CUL1: variants seen among roughly 807,000 people sequenced by gnomAD.
The protein encoded by CUL1 is cullin-1.
In CUL1, 24 loss-of-function variants were observed where a neutral mutation model predicts 118.0. That is an observed-to-expected ratio of 0.20 (90% CI 0.15 to 0.29). The LOEUF is 0.29. Among genes scored for constraint, CUL1 ranks in the 10% least tolerant of loss-of-function variants. The probability of loss-of-function intolerance (pLI) is 1.00; values close to 1 mark genes in which losing one functional copy is unlikely to be tolerated. For synonymous variants in CUL1, 332 were observed against 340.4 expected, an observed-to-expected ratio of 0.98 and a Z score of 0.27; for missense variants, 361 against 933.8, an observed-to-expected ratio of 0.39 and a Z score of 7.99.
At chr7:148,741,553 C>G (rs1007634553) in intron 2 of CUL1, among the ~76,000 whole-genome samples, 1 of 152,216 alleles carries the variant, frequency 6.6e-6, no homozygotes, top group African/African-American at 2.4e-5. Context: ...ATTCTCCTGC[C>G]TCAGCCTCCC....
intron 9 of CUL1, among the ~76,000 whole-genome samples, chr7:148,769,397 TCACACACACACACACACACACACACA>T (rs55858322): frequency 1.2e-4 from 16 of 129,106 alleles, no homozygotes; most frequent in Admixed American, 4.7e-4. Context: ...AGGGCCTGAT[TCACACACACACACACACACACACACA>T]CACACACACA....
intron 2 of CUL1, among the ~76,000 whole-genome samples, chr7:148,744,780 G>A (rs922595295): frequency 7.9e-5 from 12 of 152,124 alleles, no homozygotes; most frequent in Admixed American, 7.9e-4. Context: ...CAAAATGCAG[G>A]TCTCTACTAT....
rs372883665 is a variant in CUL1, at chr7:148,799,427, T to C, written c.2250+39T>C. 2.2e-4 allele frequency: 295 copies of C among 1,371,794 alleles called. 2 individuals are homozygous for C. The highest frequency in any genetic ancestry group is 3.1e-5 in the Non-Finnish European group (30 of 966,900). 85.0% of individuals were successfully genotyped at this position (1,371,794 alleles called of 1,614,324 possible). ...CATAGCAGTCACATTCCTTTCTTAATTTAGAAGATAAAAGATGTAGCAAAA... is the reference window on the plus strand; with the variant it reads ...CATAGCAGTCACATTCCTTTCTTAACTTAGAAGATAAAAGATGTAGCAAAA... On this transcript the variant is annotated intron_variant, in intron 21 of 21. Coordinates refer to ENST00000325222, the MANE Select transcript of CUL1 (RefSeq NM_003592.3).
chr7:148,787,451 G>A lies in CUL1; in HGVS notation c.1479+331G>A, dbSNP rs1800853610. Among the ~76,000 whole-genome samples, 1 of 152,142 alleles carries A rather than the reference G, an allele frequency of 6.6e-6. No individual in the cohort carries two copies. The highest frequency in any genetic ancestry group is 6.5e-5 in the Admixed American group (1 of 15,272). On this transcript the variant is annotated intron_variant, in intron 13 of 21. Coordinates refer to ENST00000325222, the MANE Select transcript of CUL1 (RefSeq NM_003592.3). This position sits in a 1 kb window ranked among gnomAD's most constrained non-coding sequence, Gnocchi z 5.5. ...CACTCCAGCCTGGGCAACAGAGTGA[G>A]ACTCTGTCTCAGAAAAAAATAAAAA...
chr7:148,745,060 C>CT (rs1043258508), intron 2 of CUL1, among the ~76,000 whole-genome samples: 4 of 151,852 alleles, frequency 2.6e-5, no homozygotes, highest in African/African-American at 4.8e-5. Context: ...AAGTTTTAAT[C>CT]TTTTTTTTCC....
intron 1 of CUL1, among the ~76,000 whole-genome samples, chr7:148,700,240 C>A (rs1018687923): frequency 6.6e-6 from 1 of 152,150 alleles, no homozygotes; most frequent in African/African-American, 2.4e-5. Flanking sequence ...GTGGAGTAAA[C>A]GATCACACTT....
chr7:148,786,904 C>A lies in CUL1; in HGVS notation c.1348-85C>A, dbSNP rs1318029867. 4.6e-6 allele frequency: 7 copies of A among 1,531,454 alleles called. No individual in the cohort carries two copies. In the Admixed American group the frequency reaches 9.6e-5, roughly 21 times the overall value. The allele number at this position is 1,531,454 out of a possible 1,614,324, so 94.9% of individuals were successfully genotyped here. A position where few individuals can be genotyped will look rare whatever the true frequency, so the allele number is the denominator to read the frequency against. On this transcript the variant is annotated intron_variant, in intron 12 of 21. Coordinates refer to ENST00000325222, the MANE Select transcript of CUL1 (RefSeq NM_003592.3). The stretch of plus-strand genomic sequence containing the variant: ...CAAAGCCAAAGGCACATCTTGGCTC[C>A]TGGCTTGTGGCCGGTGACAGTCAGC...
intron 1 of CUL1, among the ~76,000 whole-genome samples, chr7:148,726,833 C>CAA (rs11408081): frequency 0.24 from 31,812 of 130,374 alleles, 3,879 homozygotes; most frequent in South Asian, 0.34. Flanking sequence ...CCATCTCTAC[C>CAA]AAAAAAAAAA....
intron 5 of CUL1, 29 bp downstream of exon 5, chr7:148,759,383 TC>T: frequency 6.2e-7 from 1 of 1,611,722 alleles, no homozygotes; most frequent in South Asian, 1.1e-5. Flanking sequence ...GTGTGCATGT[TC>T]CTTTTAAAAT....
intron 17 of CUL1, among the ~76,000 whole-genome samples, chr7:148,796,786 A>G (rs1801213043): frequency 6.6e-6 from 1 of 152,166 alleles, no homozygotes; most frequent in East Asian, 1.9e-4. Flanking sequence ...GATGCTGTCC[A>G]ATCAGACCTG....
intron 1 of CUL1, among the ~76,000 whole-genome samples, chr7:148,699,289 C>T (rs974150168): frequency 2.0e-5 from 3 of 151,622 alleles, no homozygotes; most frequent in African/African-American, 7.3e-5. Flanking sequence ...GCGGCCAGGC[C>T]TGGACTACGC....
chr7:148,704,772 C>G, intron 1 of CUL1, among the ~76,000 whole-genome samples: 1 of 151,974 alleles, frequency 6.6e-6, no homozygotes, highest in East Asian at 1.9e-4. Flanking sequence ...TTGATTGTCT[C>G]TGAGCAGTGG....
At chr7:148,796,595 G>GC (rs1801207261) in intron 17 of CUL1, among the ~76,000 whole-genome samples, 1 of 152,128 alleles carries the variant, frequency 6.6e-6, no homozygotes, top group South Asian at 2.1e-4. Context: ...AGGCCTGGTT[G>GC]CCCCCTAGAC....
intron 2 of CUL1, among the ~76,000 whole-genome samples, chr7:148,746,471 C>G (rs2129460096): frequency 6.6e-6 from 1 of 152,242 alleles, no homozygotes; most frequent in African/African-American, 2.4e-5. Flanking sequence ...CAGGATCAGA[C>G]TTAGAAAATG....
intron 2 of CUL1, among the ~76,000 whole-genome samples, chr7:148,733,431 A>G (rs1338236902): frequency 2.0e-5 from 3 of 152,222 alleles, no homozygotes; most frequent in African/African-American, 7.2e-5. Flanking sequence ...TCTTCACTTA[A>G]AGCCATTTAC....
chr7:148,705,480 T>A (rs1357383007), intron 1 of CUL1, among the ~76,000 whole-genome samples: 1 of 152,240 alleles, frequency 6.6e-6, no homozygotes, highest in Non-Finnish European at 1.5e-5. Context: ...GTTGTAATTA[T>A]GAGAAAACCG....
intron 6 of CUL1, among the ~76,000 whole-genome samples, 196 bp from the exon 7 acceptor site, chr7:148,760,137 A>G (rs1241361406): frequency 1.3e-5 from 2 of 152,170 alleles, no homozygotes; most frequent in African/African-American, 4.8e-5. Flanking sequence ...TGCTTTTTAT[A>G]CGTCTTGGAT....
chr7:148,762,589 A>G (rs1799867976), intron 7 of CUL1, among the ~76,000 whole-genome samples: 1 of 152,266 alleles, frequency 6.6e-6, no homozygotes, highest in Admixed American at 6.5e-5. Flanking sequence ...ATTGTTTAAT[A>G]TGACAGTGTT....
At chr7:148,783,365 C>T in intron 9 of CUL1, 1 of 985,456 alleles carries the variant, frequency 1.0e-6, no homozygotes, top group Non-Finnish European at 1.2e-6. Context: ...CGCTTTCCCT[C>T]GCGTTGCCTG....
Sources: gnomAD v4.1 joint callset for allele counts (sites outside exome capture counted in the v4.1 genomes callset) on GRCh38, gnomAD v4.1.1 for gene constraint, Gnocchi (gnomAD v3.1) non-coding constraint, MANE v1.5 for transcripts, NCBI Gene and HGNC (gene_info 2026-07-23, HGNC 2026-07-21) for gene names.